NCOA4: variants seen among roughly 807,000 people sequenced by gnomAD.
The protein encoded by NCOA4 is 70 kDa AR-activator.
NCOA4 carries 31 observed loss-of-function variants against 69.5 expected under a neutral mutation model. That is an observed-to-expected ratio of 0.45 (90% CI 0.34 to 0.60). The LOEUF is 0.60. NCOA4 is among the 20% of genes least tolerant of loss of function. The pLI is 0.02. For missense variants in NCOA4, 600 were observed against 719.2 expected (o/e 0.83, Z 1.90); for synonymous variants, 228 against 252.4 (o/e 0.90, Z 0.92).
At chr10:46,012,083 A>AAAAAAAAAAAAAAAAAAAAAAAAC (rs1839256310) in intron 7 of NCOA4, among the ~76,000 whole-genome samples, 1 of 136,546 alleles carries the variant, frequency 7.3e-6, no homozygotes, top group Non-Finnish European at 1.5e-5. Context: ...AAAAAAAAAA[A>AAAAAAAAAAAAAAAAAAAAAAAAC]AAAAAAAAAA....
intron 7 of NCOA4, among the ~76,000 whole-genome samples, chr10:46,011,419 C>G (rs940756853): frequency 1.4e-5 from 2 of 146,940 alleles, no homozygotes; most frequent in African/African-American, 5.1e-5. Flanking sequence ...AGGCGCCCAC[C>G]ACCACGCCCA....
Position 46,021,309 on chromosome 10 carries a change from G to GA in NCOA4, c.-14-4616dup, listed in dbSNP as rs1215005811. 2.0e-5 allele frequency among the ~76,000 whole-genome samples: 3 copies of GA among 152,014 alleles called. No homozygotes were observed. The East Asian group carries it at 5.8e-4, about 29-fold the overall frequency. ...TTTAAAAAAATAAAAAATAAAGCTG[G>GA]AAAAAATCTTGGTCATCTCTTTAAT... On this transcript the variant is annotated intron_variant, in intron 1 of 9. Coordinates refer to ENST00000581486, the MANE Select transcript of NCOA4 (RefSeq NM_001145263.2).
intron 5 of NCOA4, 142 bp downstream of exon 5, chr10:46,014,302 C>A (rs1839407209): frequency 1.6e-6 from 1 of 628,280 alleles, no homozygotes; most frequent in Non-Finnish European, 2.8e-6. Context: ...CAGGCGTGAG[C>A]CACCACGCCC....
intron 1 of NCOA4, among the ~76,000 whole-genome samples, chr10:46,024,083 G>A (rs187791395): frequency 7.1e-4 from 108 of 152,314 alleles, no homozygotes; most frequent in Middle Eastern, 3.4e-3. Context: ...GATTTCAGAT[G>A]AACAGAGTGG....
chr10:46,020,984 AG>A (rs782611237), intron 1 of NCOA4, among the ~76,000 whole-genome samples: 1 of 152,206 alleles, frequency 6.6e-6, no homozygotes, highest in Non-Finnish European at 1.5e-5. Context: ...TTGGGGGTGG[AG>A]GAAGTAAAGG....
chr10:46,010,619 T>C lies in NCOA4; in HGVS notation c.1302A>G (p.Lys434=). The C allele has an allele frequency of 7.4e-6, 12 of 1,614,242 alleles. No individual in the cohort carries two copies. Among genetic ancestry groups the C allele is most frequent in the Non-Finnish European group, 1.0e-5 (12 of 1,180,038 alleles). The change falls in exon 8 of 10, where the codon AAA becomes AAG. Residue 434 remains lysine (K), a synonymous_variant. Coordinates refer to ENST00000581486, the MANE Select transcript of NCOA4 (RefSeq NM_001145263.2). ...GCATCCCATTTTTATCCTTTCCTTC[T>C]TTCTTCAGAAGCCACTTATACAGAG... The part of the protein sequence containing the change: ...KEALYKWLLK[K]EGKDKNGMPV...
chr10:46,028,943 C>T (rs10761576), intron 1 of NCOA4, among the ~76,000 whole-genome samples: 61,283 of 150,784 alleles, frequency 0.41, 12,888 homozygotes, highest in South Asian at 0.66. Flanking sequence ...GACTCTCAAC[C>T]GGGGGAGGGA....
rs1838745689 is a variant in NCOA4, at chr10:46,005,240, C to G, written c.*1352G>C. 4.7e-6 allele frequency: 1 copy of G among 212,984 alleles called. No individual in the cohort carries two copies. Among genetic ancestry groups the G allele is most frequent in the African/African-American group, 2.3e-5 (1 of 44,158 alleles). 13.2% of individuals were successfully genotyped at this position (212,984 alleles called of 1,614,324 possible). A position where few individuals can be genotyped will look rare whatever the true frequency, so the allele number is the denominator to read the frequency against. On this transcript the variant is annotated 3_prime_UTR_variant, in exon 10 of 10. Coordinates refer to ENST00000581486, the MANE Select transcript of NCOA4 (RefSeq NM_001145263.2). ...CTCAAGAAACTACAGAGCTGCAACTCAAGATAACTGGAAAGGCTCCTTACA... is the reference window on the plus strand; with the variant it reads ...CTCAAGAAACTACAGAGCTGCAACTGAAGATAACTGGAAAGGCTCCTTACA...
chr10:46,009,164 T>G (rs1554920477), intron 9 of NCOA4: 2 of 1,551,208 alleles, frequency 1.3e-6, no homozygotes, highest in Admixed American at 3.9e-5. Context: ...CCACATGGGA[T>G]CTGAAAATTC....
intron 1 of NCOA4, among the ~76,000 whole-genome samples, chr10:46,020,942 A>C (rs1463624608): frequency 6.6e-6 from 1 of 152,220 alleles, no homozygotes; most frequent in Non-Finnish European, 1.5e-5. Flanking sequence ...GCTTTCTAAA[A>C]CTTCCCTGCC....
rs1181569638 is a variant in NCOA4, at chr10:46,005,693, C to A, written c.*899G>T. ...CTTGCAGTGAGAGGATGACTTTATCCCTACTTAAAAGCACCAGGTGTCAAG... is the reference window on the plus strand; with the variant it reads ...CTTGCAGTGAGAGGATGACTTTATCACTACTTAAAAGCACCAGGTGTCAAG... On this transcript the variant is annotated 3_prime_UTR_variant, in exon 10 of 10. Transcript: ENST00000581486. 2.8e-5 allele frequency: 6 copies of A among 217,312 alleles called. No homozygotes were observed. Among genetic ancestry groups the A allele is most frequent in the South Asian group, 1.9e-4 (1 of 5,376 alleles). The allele number at this position is 217,312 out of a possible 1,614,324, so 13.5% of individuals were successfully genotyped here. A position where few individuals can be genotyped will look rare whatever the true frequency, so the allele number is the denominator to read the frequency against.
At position 46,015,334 on chromosome 10, in the gene NCOA4, G is replaced by A. The variant is rs1411140556; in HGVS notation, c.142-68C>T. 1.7e-5 allele frequency: 12 copies of A among 713,232 alleles called. No homozygotes were observed. In the East Asian group the frequency reaches 6.8e-4, roughly 40 times the overall value. 44.2% of individuals were successfully genotyped at this position (713,232 alleles called of 1,614,324 possible). ...AGAATGATGTTTCCCAAAGAATAGT[G>A]AGTTTCTAAAACTTTTTTTGGGGGG... is the stretch of plus-strand genomic sequence containing the variant. On this transcript the variant is annotated intron_variant, in intron 2 of 9. Transcript: ENST00000581486.
intron 1 of NCOA4, chr10:46,027,288 A>AAG: frequency 1.4e-6 from 1 of 704,868 alleles, no homozygotes; most frequent in South Asian, 2.5e-5. Flanking sequence ...AAAAAAAAAA[A>AAG]GAATGATTAA....
At chr10:46,020,123 A>G (rs1401522506) in intron 1 of NCOA4, among the ~76,000 whole-genome samples, 1 of 152,212 alleles carries the variant, frequency 6.6e-6, no homozygotes, top group Non-Finnish European at 1.5e-5. Context: ...GCTGTACGAA[A>G]TGTTACATCC....
At chr10:46,010,121 T>G in intron 8 of NCOA4, 102 bp downstream of exon 8, 1 of 1,400,206 alleles carries the variant, frequency 7.1e-7, no homozygotes, top group Non-Finnish European at 9.5e-7. Context: ...TGAGCTGAGA[T>G]CGCACCACTG....
At chr10:46,017,720 A>G (rs782397220) in intron 1 of NCOA4, among the ~76,000 whole-genome samples, 1 of 152,228 alleles carries the variant, frequency 6.6e-6, no homozygotes, top group African/African-American at 2.4e-5. Context: ...GTAAATACAG[A>G]GTTCTCTAAG....
chr10:46,014,558 GAAAAAA>G lies in NCOA4; in HGVS notation c.372-12_372-7del. The G allele has an allele frequency of 6.6e-7, 1 of 1,513,190 alleles. No homozygotes were observed. The highest frequency in any genetic ancestry group is 9.0e-7 in the Non-Finnish European group (1 of 1,116,552). 93.7% of individuals were successfully genotyped at this position (1,513,190 alleles called of 1,614,324 possible). On this transcript the variant is annotated splice_polypyrimidine_tract_variant and splice_region_variant and intron_variant, in intron 4 of 9. Transcript: ENST00000581486. ...TAAGGGTCAAACTGCCCAGTCTGGG[GAAAAAA>G]AAACAAAATTGGCTATTTTTAAGGA...
At chr10:46,026,601 C>G (rs1439810541) in intron 1 of NCOA4, among the ~76,000 whole-genome samples, 1 of 152,128 alleles carries the variant, frequency 6.6e-6, no homozygotes, top group Non-Finnish European at 1.5e-5. Context: ...GTGGTTCTCC[C>G]CATAGAAGCC....
At position 46,005,699 on chromosome 10, in the gene NCOA4, T is replaced by TA. The variant is rs2132300406; in HGVS notation, c.*892dup. The TA allele has an allele frequency of 4.6e-6, 1 of 217,394 alleles. No homozygotes were observed. The highest frequency in any genetic ancestry group is 1.9e-4 in the South Asian group (1 of 5,374). 13.5% of individuals were successfully genotyped at this position (217,394 alleles called of 1,614,324 possible). A position where few individuals can be genotyped will look rare whatever the true frequency, so the allele number is the denominator to read the frequency against. ...GTGAGAGGATGACTTTATCCCTACT[T>TA]AAAAGCACCAGGTGTCAAGCTCAGC... On this transcript the variant is annotated 3_prime_UTR_variant, in exon 10 of 10. Coordinates refer to ENST00000581486, the MANE Select transcript of NCOA4 (RefSeq NM_001145263.2).
Sources: gnomAD v4.1 joint callset for allele counts (sites outside exome capture counted in the v4.1 genomes callset) on GRCh38, gnomAD v4.1.1 for gene constraint, MANE v1.5 for transcripts, NCBI Gene and HGNC (gene_info 2026-07-23, HGNC 2026-07-21) for gene names.